The following CAPN1 variants were observed in gnomAD, a reference collection of about 807,000 sequenced individuals.
The protein encoded by CAPN1 is calpain 1, also known as calpain-1 catalytic subunit.
In CAPN1, 77 loss-of-function variants were observed where a neutral mutation model predicts 105.2. The ratio of observed to expected loss-of-function variants is 0.73; its 90% CI spans 0.61 to 0.88. CAPN1 has a LOEUF of 0.88. CAPN1 is among the 40% of genes least tolerant of loss of function. The pLI is 0.00. For synonymous variants in CAPN1, 355 were observed against 388.8 expected, an observed-to-expected ratio of 0.91 and a Z score of 1.02; for missense variants, 833 against 976.6, an observed-to-expected ratio of 0.85 and a Z score of 1.96.
chr11:65,193,569 T>G (rs1426318688), intron 10 of CAPN1, among the ~76,000 whole-genome samples: 1 of 130,822 alleles, frequency 7.6e-6, no homozygotes, highest in Non-Finnish European at 1.6e-5. Flanking sequence ...GGTGTGAACC[T>G]GGGAGACAGA....
intron 10 of CAPN1, among the ~76,000 whole-genome samples, chr11:65,202,573 G>C (rs2137374148): frequency 6.6e-6 from 1 of 152,034 alleles, no homozygotes; most frequent in South Asian, 2.1e-4. Context: ...CTTCCAGGTA[G>C]CTGGGATTAC....
intron 10 of CAPN1, among the ~76,000 whole-genome samples, chr11:65,193,101 C>G (rs978837780): frequency 4.0e-5 from 6 of 151,500 alleles, no homozygotes; most frequent in Non-Finnish European, 8.8e-5. Flanking sequence ...CTGCCTCAGC[C>G]TCCCGAGTAG....
rs117872258 is a variant in CAPN1 at position 65,188,868 on chromosome 11, T to C, written c.1165+122T>C. The C allele has an allele frequency of 6.8e-4, 568 of 836,410 alleles. 4 individuals carry two copies. The East Asian group carries it at 0.013, about 18-fold the overall frequency. 51.8% of individuals were successfully genotyped at this position (836,410 alleles called of 1,614,324 possible). ...TATAGGCTGATCTCTTGAATTTGCT[T>C]TGAGGAGTAAAATATTAAATGTCCT... On this transcript the variant is annotated intron_variant, in intron 10 of 21. Coordinates refer to ENST00000279247, the MANE Select transcript of CAPN1 (RefSeq NM_005186.4). This position sits in a 1 kb window ranked among gnomAD's most constrained non-coding sequence, Gnocchi z 5.5.
chr11:65,207,580 A>G (rs1328931407), intron 14 of CAPN1, among the ~76,000 whole-genome samples: 1 of 151,894 alleles, frequency 6.6e-6, no homozygotes, highest in Non-Finnish European at 1.5e-5. Flanking sequence ...GGGGCGGGGC[A>G]GGGCAGGGCA....
At chr11:65,202,857 A>G (rs191152913) in intron 10 of CAPN1, among the ~76,000 whole-genome samples, 1 of 152,164 alleles carries the variant, frequency 6.6e-6, no homozygotes, top group South Asian at 2.1e-4. Flanking sequence ...TCATTATCCC[A>G]AAAACAAATG....
chr11:65,201,581 G>GCC, intron 10 of CAPN1, among the ~76,000 whole-genome samples: 1 of 151,844 alleles, frequency 6.6e-6, no homozygotes, highest in East Asian at 2.0e-4. Flanking sequence ...GCAGTGGCGC[G>GCC]ATCTCGGCTC....
intron 2 of CAPN1, 70 bp downstream of exon 2, chr11:65,183,038 A>G (rs1427555369): frequency 6.2e-7 from 1 of 1,605,422 alleles, no homozygotes; most frequent in Admixed American, 1.7e-5. Context: ...ATGGGACTCC[A>G]TGTCCCTGGT....
Position 65,209,857 on chromosome 11 carries a change from C to A in CAPN1, c.1803C>A (p.Gly601=). 6.2e-7 allele frequency: 1 copy of A among 1,613,738 alleles called. No individual in the cohort carries two copies. Among genetic ancestry groups the A allele is most frequent in the Non-Finnish European group, 8.5e-7 (1 of 1,179,842 alleles). The change falls in exon 18 of 22, where the codon GGC becomes GGA. Residue 601 remains glycine, a synonymous_variant. Transcript: ENST00000279247. The surrounding 1 kb of genome is among the most constrained non-coding windows in gnomAD (Gnocchi z 4.1). ...TCTTAACGGCCACCCAGCGTGATGGCAATGGGAAGCTGGGCCTGGTGGAGT... is the reference window on the plus strand; with the variant it reads ...TCTTAACGGCCACCCAGCGTGATGGAAATGGGAAGCTGGGCCTGGTGGAGT... ...RSMVNLMDRD[G]NGKLGLVEFN...
intron 10 of CAPN1, among the ~76,000 whole-genome samples, chr11:65,198,750 C>T (rs192383190): frequency 1.3e-5 from 2 of 152,296 alleles, no homozygotes; most frequent in East Asian, 3.9e-4. Flanking sequence ...GGCTTGATCT[C>T]CTGGTCTCAG....
chr11:65,204,781 G>A lies in CAPN1; in HGVS notation c.1264G>A (p.Ala422Thr). 4 of 1,613,022 alleles carry A rather than the reference G, an allele frequency of 2.5e-6. No individual in the cohort carries two copies. The highest frequency in any genetic ancestry group is 2.5e-6 in the Non-Finnish European group (3 of 1,179,788). The change falls in exon 11 of 22, where the codon GCC (alanine) becomes ACC (threonine). Residue 422 changes from alanine to threonine, a missense_variant. Ala to Thr is a moderately conservative substitution (Grantham distance 58, BLOSUM62 0). Transcript: ENST00000279247. ...CGAGTCAGGCTGCAGCTTCGTGCTC[G>A]CCCTTATGCAGAAGCACCGTCGCCG... The part of the protein sequence containing the change: ...DRESGCSFVL[A>T]LMQKHRRRER...
Position 65,186,345 on chromosome 11 carries a change from G to A in CAPN1, c.759+7G>A. ...GCTGGGCTGCTCCATAGACGTGAGT[G>A]TGCCCGGCCCCGATGCTTTGGTACC... is the stretch of plus-strand genomic sequence containing the variant. On this transcript the variant is annotated splice_region_variant and intron_variant, in intron 6 of 21. Transcript: ENST00000279247. 1 of 1,607,248 alleles carries A rather than the reference G, an allele frequency of 6.2e-7. No homozygotes were observed. The highest frequency in any genetic ancestry group is 1.1e-5 in the South Asian group (1 of 90,444).
chr11:65,183,415 C>A (rs546557386), intron 3 of CAPN1, 59 bp from the exon 4 acceptor site: 1 of 1,363,262 alleles, frequency 7.3e-7, no homozygotes, highest in African/African-American at 1.4e-5. Context: ...CCCTAGCACC[C>A]GCTTCCCCCC....
rs891237567 is a variant in CAPN1 at position 65,209,467 on chromosome 11, C to T, written c.1794+80C>T. ...TGCTGGGAGAACTGTCCCAGGACAGCACAGAGAACAGGACAGAGCCATGCG... is the reference window on the plus strand; with the variant it reads ...TGCTGGGAGAACTGTCCCAGGACAGTACAGAGAACAGGACAGAGCCATGCG... On this transcript the variant is annotated intron_variant, in intron 17 of 21. Transcript: ENST00000279247. This position sits in a 1 kb window ranked among gnomAD's most constrained non-coding sequence, Gnocchi z 4.1. The T allele has an allele frequency of 8.3e-7, 1 of 1,205,056 alleles. No homozygotes were observed. Among genetic ancestry groups the T allele is most frequent in the African/African-American group, 1.5e-5 (1 of 66,960 alleles). The allele number at this position is 1,205,056 out of a possible 1,614,324, so 74.6% of individuals were successfully genotyped here.
At chr11:65,196,610 T>A (rs911130421) in intron 10 of CAPN1, among the ~76,000 whole-genome samples, 2 of 152,224 alleles carry the variant, frequency 1.3e-5, no homozygotes, top group African/African-American at 4.8e-5. Flanking sequence ...TTTTCTAGTT[T>A]CTTAAGGTGG....
rs1490577189 is a variant in CAPN1 at position 65,209,810 on chromosome 11, G to T, written c.1795-39G>T. 1 of 1,600,154 alleles carries T rather than the reference G, an allele frequency of 6.2e-7. No individual in the cohort carries two copies. The highest frequency in any genetic ancestry group is 1.1e-5 in the South Asian group (1 of 90,108). ...CACAGTTGCCCACTCTCCCATGACT[G>T]GTCTAAGTGATGGAATTTCCTTCTT... On this transcript the variant is annotated intron_variant, in intron 17 of 21. Transcript: ENST00000279247. This position sits in a 1 kb window ranked among gnomAD's most constrained non-coding sequence, Gnocchi z 4.1.
intron 1 of CAPN1, 57 bp from the exon 2 acceptor site, chr11:65,182,644 G>A: frequency 6.9e-7 from 1 of 1,450,654 alleles, no homozygotes; most frequent in Non-Finnish European, 9.1e-7. Context: ...GCAGGCAGGA[G>A]CCCAGGTTCT....
At position 65,186,193 on chromosome 11, in the gene CAPN1, T is replaced by G; in HGVS notation, c.614T>G (p.Leu205Arg). ...YAKVNGSYEA[L>R]SGGSTSEGFE... ...AGGGTAAATGGCAGCTACGAGGCCC[T>G]GTCAGGGGGCAGCACCTCAGAGGGC... The change falls in exon 6 of 22, where the codon CTG (leucine) becomes CGG (arginine). Residue 205 changes from leucine to arginine, a missense_variant. Transcript: ENST00000279247. The G allele has an allele frequency of 1.2e-6, 2 of 1,613,574 alleles. No individual in the cohort carries two copies. Among genetic ancestry groups the G allele is most frequent in the East Asian group, 4.5e-5 (2 of 44,862 alleles).
chr11:65,193,254 C>T (rs1037277585), intron 10 of CAPN1, among the ~76,000 whole-genome samples: 11 of 151,452 alleles, frequency 7.3e-5, no homozygotes, highest in African/African-American at 2.2e-4. Flanking sequence ...GCTGGGATTA[C>T]AGGCGTGAGC....
chr11:65,192,233 T>TA lies in CAPN1; in HGVS notation c.1165+3495dup, dbSNP rs201042295. On this transcript the variant is annotated intron_variant, in intron 10 of 21. Transcript: ENST00000279247. ...CTGGGCAACAGAACATGACCCCATT[T>TA]AAAAAAAATAAAATGGTAAATTGCA... is the stretch of plus-strand genomic sequence containing the variant. 2.5e-3 allele frequency among the ~76,000 whole-genome samples: 381 copies of TA among 152,134 alleles called. 3 individuals carry two copies. Among genetic ancestry groups the TA allele is most frequent in the African/African-American group, 8.6e-3 (355 of 41,520 alleles).
Sources: gnomAD v4.1 joint callset for allele counts (sites outside exome capture counted in the v4.1 genomes callset) on GRCh38, gnomAD v4.1.1 for gene constraint, Gnocchi (gnomAD v3.1) non-coding constraint, MANE v1.5 for transcripts, NCBI Gene and HGNC (gene_info 2026-07-23, HGNC 2026-07-21) for gene names.